The following NRXN3 variants were observed in gnomAD, a reference collection of about 807,000 sequenced individuals.
The protein encoded by NRXN3 is neurexin 3, also known as neurexin III.
A neutral mutation model predicts 137.6 loss-of-function variants in NRXN3; 32 were observed. That is an observed-to-expected ratio of 0.23 (90% CI 0.18 to 0.31). The LOEUF is 0.31. NRXN3 is among the 10% of genes least tolerant of loss of function. The pLI, the probability that NRXN3 is intolerant of heterozygous loss-of-function variation, is 1.00. For synonymous variants in NRXN3, 798 were observed against 784.5 expected (o/e 1.02, Z -0.29); for missense variants, 1,574 against 2,062.5 (o/e 0.76, Z 4.59).
rs911649774 is a variant in NRXN3 at position 79,583,196 on chromosome 14, G to A, written c.3445-80582G>A. Among the ~76,000 whole-genome samples the A allele has an allele frequency of 4.6e-5, 7 of 152,264 alleles. 1 individual carries two copies. In the South Asian group the frequency reaches 1.0e-3, roughly 23 times the overall value. ...GGCTCTGTGGATAGATGTGGAAAGCGTGAGACAGATGCTTCTCTGAGCCTC... is the reference window on the plus strand; with the variant it reads ...GGCTCTGTGGATAGATGTGGAAAGCATGAGACAGATGCTTCTCTGAGCCTC... On this transcript the variant is annotated intron_variant, in intron 16 of 20. Coordinates refer to ENST00000335750, the MANE Select transcript of NRXN3 (RefSeq NM_001330195.2).
intron 15 of NRXN3, among the ~76,000 whole-genome samples, chr14:79,338,449 A>G (rs771508622): frequency 1.3e-5 from 2 of 152,102 alleles, no homozygotes; most frequent in African/African-American, 4.8e-5. Context: ...CAGTGTACTT[A>G]GTAGAGATAG....
chr14:79,520,091 T>C (rs2097048104), intron 16 of NRXN3, among the ~76,000 whole-genome samples: 3 of 152,228 alleles, frequency 2.0e-5, no homozygotes, highest in African/African-American at 7.2e-5. Flanking sequence ...TAACTAGTTA[T>C]AATTCTGACA....
chr14:79,062,988 G>A (rs979451406), intron 15 of NRXN3, among the ~76,000 whole-genome samples: 1 of 152,064 alleles, frequency 6.6e-6, no homozygotes, highest in Non-Finnish European at 1.5e-5. Flanking sequence ...TTTTGAGAAA[G>A]GGGGGGAGGA....
At chr14:78,887,323 A>C (rs1240267565) in intron 10 of NRXN3, among the ~76,000 whole-genome samples, 1 of 152,062 alleles carries the variant, frequency 6.6e-6, no homozygotes, top group Non-Finnish European at 1.5e-5. Flanking sequence ...ATCACCACTT[A>C]GGCTGATGAT....
At chr14:79,649,933 A>G (rs1024489247) in intron 16 of NRXN3, among the ~76,000 whole-genome samples, 1 of 152,214 alleles carries the variant, frequency 6.6e-6, no homozygotes, top group African/African-American at 2.4e-5. Flanking sequence ...TCAAGGTGCC[A>G]GTCAATTTGG....
intron 15 of NRXN3, among the ~76,000 whole-genome samples, chr14:79,005,643 C>A (rs752968067): frequency 6.6e-6 from 1 of 152,158 alleles, no homozygotes; most frequent in Non-Finnish European, 1.5e-5. Flanking sequence ...TGGGAAAACT[C>A]TCTTCCCCAA....
At chr14:79,160,052 C>A (rs1463093441) in intron 15 of NRXN3, among the ~76,000 whole-genome samples, 3 of 151,760 alleles carry the variant, frequency 2.0e-5, no homozygotes, top group African/African-American at 7.3e-5. Context: ...TTGAGGTAAC[C>A]TCTTCCCTCT....
chr14:78,282,220 G>A (rs2153505798), intron 3 of NRXN3: 2 of 466,708 alleles, frequency 4.3e-6, no homozygotes, highest in African/African-American at 2.0e-5. Context: ...TAGGGCAGAG[G>A]TGGGCATCTC....
intron 15 of NRXN3, among the ~76,000 whole-genome samples, chr14:79,231,930 T>C (rs1199492384): frequency 6.6e-6 from 1 of 152,142 alleles, no homozygotes; most frequent in East Asian, 1.9e-4. Flanking sequence ...AGTTGAGATT[T>C]CAACAGCTAA....
At chr14:79,058,304 GA>G in intron 15 of NRXN3, among the ~76,000 whole-genome samples, 1 of 152,090 alleles carries the variant, frequency 6.6e-6, no homozygotes, top group Middle Eastern at 3.4e-3. Flanking sequence ...ACAGGAAGGG[GA>G]AAAAAGAGGG....
At chr14:78,404,395 A>G (rs1367690301) in intron 4 of NRXN3, among the ~76,000 whole-genome samples, 1 of 152,030 alleles carries the variant, frequency 6.6e-6, no homozygotes, top group African/African-American at 2.4e-5. Flanking sequence ...GGCTTGTCAG[A>G]TACTATTTTG....
chr14:78,872,893 A>G (rs962864516), intron 10 of NRXN3, among the ~76,000 whole-genome samples: 4 of 152,198 alleles, frequency 2.6e-5, no homozygotes, highest in African/African-American at 7.2e-5. Flanking sequence ...TATTTTTCTT[A>G]TAACTTCGCA....
In NRXN3 at chr14:78,968,154, T is replaced by A. The variant is rs751916193; in HGVS notation, c.2969-19T>A. The A allele has an allele frequency of 6.5e-7, 1 of 1,541,732 alleles. No individual in the cohort carries two copies. The highest frequency in any genetic ancestry group is 8.8e-7 in the Non-Finnish European group (1 of 1,132,478). ...ACATCCTTTACTCATTCTCTTTTGC[T>A]AATTACTTTCCTTTCCAGGTGATCT... On this transcript the variant is annotated intron_variant, in intron 13 of 20. Transcript: ENST00000335750.
chr14:78,192,290 C>A (rs2060823858), intron 1 of NRXN3, among the ~76,000 whole-genome samples: 2 of 152,156 alleles, frequency 1.3e-5, no homozygotes, highest in East Asian at 3.9e-4. Flanking sequence ...CATTGTCACT[C>A]CTGAATTTTG....
intron 16 of NRXN3, among the ~76,000 whole-genome samples, chr14:79,487,881 G>A (rs770125591): frequency 2.6e-5 from 4 of 152,146 alleles, no homozygotes; most frequent in Non-Finnish European, 5.9e-5. Context: ...ACATTAGATT[G>A]CATGTTAGCT....
At chr14:78,658,610 C>T (rs1281286616) in intron 6 of NRXN3, among the ~76,000 whole-genome samples, 1 of 152,170 alleles carries the variant, frequency 6.6e-6, no homozygotes, top group African/African-American at 2.4e-5. Flanking sequence ...GAAAATTATA[C>T]AACTTCTCTG....
chr14:79,563,031 A>G (rs1014725891), intron 16 of NRXN3, among the ~76,000 whole-genome samples: 1 of 152,156 alleles, frequency 6.6e-6, no homozygotes, highest in Non-Finnish European at 1.5e-5. Flanking sequence ...CCCACCCCCA[A>G]TAAGCTCAAC....
intron 4 of NRXN3, among the ~76,000 whole-genome samples, chr14:78,484,147 T>C (rs534471801): frequency 5.5e-4 from 83 of 152,282 alleles, no homozygotes; most frequent in Non-Finnish European, 9.4e-4. Flanking sequence ...AGAATGTTAA[T>C]GCAGCTGCGG....
chr14:79,231,336 C>G (rs1259319137), intron 15 of NRXN3, among the ~76,000 whole-genome samples: 10 of 152,134 alleles, frequency 6.6e-5, no homozygotes, highest in Admixed American at 6.6e-4. Context: ...GCTGAGATAG[C>G]ATTTATTTCT....
Sources: allele counts gnomAD v4.1 joint callset (sites outside exome capture counted in the v4.1 genomes callset), GRCh38; gene constraint gnomAD v4.1.1; transcripts MANE v1.5; gene names NCBI Gene and HGNC (gene_info 2026-07-23, HGNC 2026-07-21).